Variants in CASP5 observed in about 807,000 individuals in gnomAD.
CASP5 encodes caspase-5.
Under a neutral mutation model 45.2 loss-of-function variants are expected in CASP5, and 42 were observed. The observed-to-expected ratio is 0.93, with a 90% CI of 0.73 to 1.20. The LOEUF (loss-of-function observed/expected upper bound fraction) is 1.20, where lower values mean the gene tolerates loss of function less well. Ranked by LOEUF, CASP5 falls within the 50% of genes most tolerant of loss-of-function variation. The pLI, the probability that CASP5 is intolerant of heterozygous loss-of-function variation, is 0.00. For missense variants in CASP5, 512 were observed against 532.2 expected (o/e 0.96, Z 0.37); for synonymous variants, 209 against 186.2 (o/e 1.12, Z -1.00).
At chr11:105,002,429 T>G (rs1016142181) in intron 4 of CASP5, among the ~76,000 whole-genome samples, 2 of 152,168 alleles carry the variant, frequency 1.3e-5, no homozygotes, top group Non-Finnish European at 2.9e-5. Flanking sequence ...ACCCCCTTCC[T>G]TCTCCTTTTT....
At chr11:105,006,170 G>A (rs189066143) in intron 3 of CASP5, among the ~76,000 whole-genome samples, 8 of 152,240 alleles carry the variant, frequency 5.3e-5, no homozygotes, top group South Asian at 4.2e-4. Context: ...AATTCAATCC[G>A]TGTCAAAAGT....
intron 5 of CASP5, among the ~76,000 whole-genome samples, chr11:105,000,983 C>G (rs1184852158): frequency 6.6e-6 from 1 of 152,170 alleles, no homozygotes. Context: ...TCATTTTCAG[C>G]TCAGCTCTTT....
intron 7 of CASP5, 54 bp downstream of exon 7, chr11:104,998,831 T>C (rs1274980534): frequency 2.5e-6 from 4 of 1,572,640 alleles, no homozygotes; most frequent in Non-Finnish European, 3.5e-6. Context: ...ATAGAATCAT[T>C]CAAAGGTGGC....
intron 3 of CASP5, among the ~76,000 whole-genome samples, chr11:105,006,412 C>CT (rs1265415260): frequency 7.2e-5 from 11 of 152,168 alleles, no homozygotes; most frequent in South Asian, 2.1e-4. Flanking sequence ...GGTGAAGAAA[C>CT]CAGTTACATT....
intron 3 of CASP5, among the ~76,000 whole-genome samples, chr11:105,004,817 T>C (rs1002736088): frequency 1.3e-5 from 2 of 152,184 alleles, no homozygotes; most frequent in African/African-American, 2.4e-5. Flanking sequence ...AGATGCTTTT[T>C]CTTCTCATTT....
intron 2 of CASP5, among the ~76,000 whole-genome samples, chr11:105,008,163 A>G (rs1862100468): frequency 6.6e-6 from 1 of 152,134 alleles, no homozygotes; most frequent in Non-Finnish European, 1.5e-5. Flanking sequence ...AATTTGATAT[A>G]TATTAGTTTC....
rs533807487 is a variant in CASP5 at position 104,998,710 on chromosome 11, G to T, written c.1096+175C>A. ...AAGTACAGTTTTTTAAAATGTGTGT[G>T]TGGGAGGGGGAAGGAATCTATTCTC... On this transcript the variant is annotated intron_variant, in intron 7 of 9. Transcript: ENST00000260315. Among the ~76,000 whole-genome samples, 3 of 152,276 alleles carry T rather than the reference G, an allele frequency of 2.0e-5. No individual in the cohort carries two copies. The South Asian group carries it at 6.2e-4, about 32-fold the overall frequency.
chr11:105,020,849 A>G (rs1467062840), intron 1 of CASP5, among the ~76,000 whole-genome samples: 2 of 152,030 alleles, frequency 1.3e-5, no homozygotes, highest in Non-Finnish European at 2.9e-5. Flanking sequence ...CCGCATTGCC[A>G]CGTCAATCCT....
intron 1 of CASP5, among the ~76,000 whole-genome samples, chr11:105,016,295 AG>A (rs1449368782): frequency 1.3e-5 from 2 of 152,104 alleles, no homozygotes; most frequent in African/African-American, 4.8e-5. Context: ...ATATGACTGC[AG>A]GGGGAGGCGC....
Position 105,007,199 on chromosome 11 carries a change from GTAT to G in CASP5, c.314_316del (p.Asp105_Thr106delinsAla), listed in dbSNP as rs1173774399. The stretch of plus-strand genomic sequence containing the variant: ...GATCAGGGCCTTGTCTTCAATTTTG[GTAT>G]CATAATATTTTTTCTTTTCCTCTTC... On this transcript the variant is annotated inframe_deletion, in exon 3 of 10. Transcript: ENST00000260315. 1.2e-6 allele frequency: 2 copies of G among 1,613,652 alleles called. No homozygotes were observed. The highest frequency in any genetic ancestry group is 1.1e-5 in the South Asian group (1 of 91,076).
rs200261759 is a variant in CASP5, at chr11:104,997,521, G to A, written c.1097-29C>T. 2.9e-6 allele frequency: 4 copies of A among 1,374,954 alleles called. No individual in the cohort carries two copies. The East Asian group carries it at 9.3e-5, about 32-fold the overall frequency. The allele number at this position is 1,374,954 out of a possible 1,614,324, so 85.2% of individuals were successfully genotyped here. On this transcript the variant is annotated intron_variant, in intron 7 of 9. Transcript: ENST00000260315. ...TGATGATACAGCCTGGTATGCCTTG[G>A]GCTACGACTTTCACTATGTTTTTGT...
chr11:105,022,220 T>G, intron 1 of CASP5, among the ~76,000 whole-genome samples: 1 of 148,120 alleles, frequency 6.8e-6, no homozygotes, highest in African/African-American at 2.5e-5. Flanking sequence ...AGATGACGAG[T>G]TAGTGGGTGC....
chr11:105,009,512 C>G (rs1176635361), intron 1 of CASP5, among the ~76,000 whole-genome samples: 1 of 151,364 alleles, frequency 6.6e-6, no homozygotes, highest in Non-Finnish European at 1.5e-5. Flanking sequence ...AGTGCTTAAT[C>G]TGCTTGCTGA....
intron 1 of CASP5, among the ~76,000 whole-genome samples, chr11:105,009,957 A>C (rs1862255030): frequency 6.8e-6 from 1 of 147,772 alleles, no homozygotes; most frequent in Non-Finnish European, 1.5e-5. Context: ...ATATATATCA[A>C]AGTAATAAAT....
chr11:105,018,684 A>C (rs1377034452), intron 1 of CASP5, among the ~76,000 whole-genome samples: 1 of 145,626 alleles, frequency 6.9e-6, no homozygotes, highest in African/African-American at 2.5e-5. Context: ...AAAGAGACTT[A>C]GACTCCCACA....
chr11:104,998,778 C>A, intron 7 of CASP5, 107 bp downstream of exon 7: 2 of 1,079,284 alleles, frequency 1.9e-6, no homozygotes. Flanking sequence ...AGAGCACACA[C>A]CATTCTCTCA....
At chr11:105,005,331 A>T (rs1278889221) in intron 3 of CASP5, among the ~76,000 whole-genome samples, 1 of 149,450 alleles carries the variant, frequency 6.7e-6, no homozygotes. Flanking sequence ...AAATCAGATC[A>T]TCGGTATATA....
rs187985323 is a variant in CASP5 at position 105,016,398 on chromosome 11, G to A, written c.7+6732C>T. On this transcript the variant is annotated intron_variant, in intron 1 of 9. Transcript: ENST00000260315. ...TTTCTGCATTTCCATCTGAGGTACC[G>A]GGTTCATCTCACTAAGGAGTGCCAG... is the stretch of plus-strand genomic sequence containing the variant. Among the ~76,000 whole-genome samples, 205 of 152,240 alleles carry A rather than the reference G, an allele frequency of 1.3e-3. No individual in the cohort carries two copies. The East Asian group carries it at 0.02, about 15-fold the overall frequency.
In CASP5 at chr11:105,002,152, A is replaced by G. The variant is rs1451863999; in HGVS notation, c.593T>C (p.Ile198Thr). The G allele has an allele frequency of 3.7e-6, 6 of 1,614,126 alleles. No individual in the cohort carries two copies. Among genetic ancestry groups the G allele is most frequent in the East Asian group, 2.2e-5 (1 of 44,868 alleles). Reference sequence around the variant, plus strand: ...CAGGTGATCAAACTTTGTATTGCATATGATGAGAGCCAGGCGTCTGCGGTC... The same window carrying G: ...CAGGTGATCAAACTTTGTATTGCATGTGATGAGAGCCAGGCGTCTGCGGTC... ...REDRRRLALI[I>T]CNTKFDHLPA... Residue 198 changes from isoleucine to threonine, a missense_variant, in exon 5 of 10, where the codon ATA becomes ACA. Coordinates refer to ENST00000260315, the MANE Select transcript of CASP5 (RefSeq NM_004347.5).
Sources: allele counts gnomAD v4.1 joint callset (sites outside exome capture counted in the v4.1 genomes callset), GRCh38; gene constraint gnomAD v4.1.1; transcripts MANE v1.5; gene names NCBI Gene and HGNC (gene_info 2026-07-23, HGNC 2026-07-21).